Variants in STARD13 observed in about 807,000 individuals in gnomAD.
The protein encoded by STARD13 is stAR-related lipid transfer protein 13.
In STARD13, 62 loss-of-function variants were observed where a neutral mutation model predicts 106.4. The observed-to-expected ratio is 0.58, with a 90% CI of 0.48 to 0.72. STARD13 has a LOEUF of 0.72. Among genes scored for constraint, STARD13 ranks in the 30% least tolerant of loss-of-function variants. The probability of loss-of-function intolerance (pLI) is 0.00; values close to 1 mark genes in which losing one functional copy is unlikely to be tolerated. For missense variants in STARD13, 1,387 were observed against 1,424.0 expected (o/e 0.97, Z 0.42); for synonymous variants, 565 against 553.0 (o/e 1.02, Z -0.31).
At chr13:33,559,586 T>A in the STARD13 span, among the ~76,000 whole-genome samples, 8 of 151,488 alleles carry the variant, frequency 5.3e-5, no homozygotes, top group Non-Finnish European at 1.0e-4. Flanking sequence ...CCAGGCTCAG[T>A]GGCTCACACC....
intron 3 of STARD13, among the ~76,000 whole-genome samples, chr13:33,155,101 T>C (rs904397401): frequency 2.0e-5 from 3 of 152,136 alleles, no homozygotes; most frequent in Non-Finnish European, 4.4e-5. Context: ...CCTCCTCACA[T>C]GCTGGTGACT....
At chr13:33,113,227 A>G (rs1269334551) in intron 8 of STARD13, 1 of 451,386 alleles carries the variant, frequency 2.2e-6, no homozygotes, top group East Asian at 4.3e-5. Context: ...ATTCTGAGCA[A>G]TCAACCCACT....
At chr13:33,204,498 A>G (rs1219220633) in intron 1 of STARD13, among the ~76,000 whole-genome samples, 1 of 152,232 alleles carries the variant, frequency 6.6e-6, no homozygotes, top group East Asian at 1.9e-4. Flanking sequence ...ATAAGAAAAG[A>G]CATAAATGTG....
At chr13:33,150,398 T>C (rs568522324) in intron 3 of STARD13, among the ~76,000 whole-genome samples, 1 of 152,328 alleles carries the variant, frequency 6.6e-6, no homozygotes, top group East Asian at 1.9e-4. Context: ...CTTGGACTGA[T>C]GCTTTTATTT....
At chr13:33,601,279 C>T in the STARD13 span, among the ~76,000 whole-genome samples, 1 of 151,092 alleles carries the variant, frequency 6.6e-6, no homozygotes, top group Non-Finnish European at 1.5e-5. Flanking sequence ...CTGGAAGGTA[C>T]TTTTTAGTCC....
chr13:33,184,739 G>A (rs1371763571), intron 1 of STARD13, among the ~76,000 whole-genome samples: 1 of 152,184 alleles, frequency 6.6e-6, no homozygotes, highest in Non-Finnish European at 1.5e-5. Context: ...TGAACTTGAC[G>A]TTATGTTCAC....
At chr13:33,339,478 A>G (rs1376006854) in intron 1 of STARD13, among the ~76,000 whole-genome samples, 1 of 152,230 alleles carries the variant, frequency 6.6e-6, no homozygotes, top group East Asian at 1.9e-4. Flanking sequence ...AACTTCACAG[A>G]TGTTAATACC....
At chr13:33,111,215 G>A (rs1349471233) in intron 10 of STARD13, among the ~76,000 whole-genome samples, 1 of 152,170 alleles carries the variant, frequency 6.6e-6, no homozygotes, top group East Asian at 1.9e-4. Context: ...TATGGGCTCA[G>A]ACAACTTTAC....
At position 33,129,415 on chromosome 13, in the gene STARD13, C is replaced by T. The variant is rs752429545; in HGVS notation, c.1262G>A (p.Ser421Asn). ...SIESLSPTDS[S>N]NGVNWRTGSI... ...ACCGGTCCTCCAATTAACCCCATTGCTACTATCTGTGGGAGAGAGGCTTTC... is the reference window on the plus strand; with the variant it reads ...ACCGGTCCTCCAATTAACCCCATTGTTACTATCTGTGGGAGAGAGGCTTTC... Residue 421 changes from serine (S) to asparagine (N), a missense_variant, in exon 5 of 14, where the codon AGC becomes AAC. By Grantham distance (46) the Ser-to-Asn change is conservative. Transcript: ENST00000336934. The T allele has an allele frequency of 4.3e-6, 7 of 1,614,082 alleles. No individual in the cohort carries two copies. Among genetic ancestry groups the T allele is most frequent in the Middle Eastern group, 3.3e-4 (2 of 6,084 alleles).
chr13:33,494,251 A>T, the STARD13 span, among the ~76,000 whole-genome samples: 1 of 152,046 alleles, frequency 6.6e-6, no homozygotes, highest in South Asian at 2.1e-4. Context: ...CCCCTTTCTG[A>T]TGTTATTTCA....
At chr13:33,463,512 T>C in the STARD13 span, among the ~76,000 whole-genome samples, 2 of 152,180 alleles carry the variant, frequency 1.3e-5, no homozygotes, top group African/African-American at 4.8e-5. Context: ...GTCCCTACTT[T>C]AGCTAGTTCT....
At chr13:33,489,907 G>T in the STARD13 span, among the ~76,000 whole-genome samples, 2 of 152,044 alleles carry the variant, frequency 1.3e-5, no homozygotes, top group East Asian at 3.8e-4. Flanking sequence ...AATCATTTTT[G>T]AGATCATTTT....
chr13:33,396,387 A>C, the STARD13 span, among the ~76,000 whole-genome samples: 1 of 151,948 alleles, frequency 6.6e-6, no homozygotes, highest in Non-Finnish European at 1.5e-5. Context: ...AAGGTTTAAA[A>C]ATAAGTTGTA....
chr13:33,110,212 TGTA>T (rs1874332232), intron 11 of STARD13, 122 bp from the exon 12 acceptor site: 1 of 794,262 alleles, frequency 1.3e-6, no homozygotes, highest in Admixed American at 2.3e-5. Context: ...TCACTGATTA[TGTA>T]AATTGAGAGT....
At chr13:33,162,211 G>A (rs1187085998) in intron 3 of STARD13, among the ~76,000 whole-genome samples, 2 of 152,182 alleles carry the variant, frequency 1.3e-5, no homozygotes, top group Admixed American at 1.3e-4. Flanking sequence ...TATGAGACAA[G>A]GCAAGCCCCT....
the STARD13 span, among the ~76,000 whole-genome samples, chr13:33,657,094 C>G: frequency 2.0e-5 from 3 of 152,136 alleles, no homozygotes; most frequent in Non-Finnish European, 4.4e-5. Context: ...ACAGTGAAAC[C>G]CCATCTCTAC....
chr13:33,343,604 T>TAAAAAAAAA (rs1173728997), intron 1 of STARD13, among the ~76,000 whole-genome samples: 5 of 76,586 alleles, frequency 6.5e-5, no homozygotes, highest in African/African-American at 1.5e-4. Flanking sequence ...AAAACAAATC[T>TAAAAAAAAA]ACAAATCTAG....
the STARD13 span, among the ~76,000 whole-genome samples, chr13:33,483,621 C>A: frequency 2.2e-4 from 34 of 152,204 alleles, no homozygotes; most frequent in African/African-American, 8.2e-4. Context: ...ACGCCAGAAC[C>A]ATTATTCATC....
chr13:33,491,487 G>A, the STARD13 span, among the ~76,000 whole-genome samples: 1 of 152,078 alleles, frequency 6.6e-6, no homozygotes, highest in African/African-American at 2.4e-5. Context: ...AAAGGATTTA[G>A]CAAAAATTCC....
Sources: gnomAD v4.1 joint callset for allele counts (sites outside exome capture counted in the v4.1 genomes callset) on GRCh38, gnomAD v4.1.1 for gene constraint, MANE v1.5 for transcripts, NCBI Gene and HGNC (gene_info 2026-07-23, HGNC 2026-07-21) for gene names.